The following DLGAP2 variants were observed in gnomAD, a reference collection of about 807,000 sequenced individuals.
DLGAP2 encodes disks large-associated protein 2.
In DLGAP2, 26 loss-of-function variants were observed where a neutral mutation model predicts 100.3. The observed-to-expected ratio is 0.26, with a 90% confidence interval of 0.19 to 0.36. The LOEUF (loss-of-function observed/expected upper bound fraction) is 0.36. DLGAP2 is among the 10% of genes least tolerant of loss of function. The pLI is 1.00. For missense variants in DLGAP2, 1,858 were observed against 1,453.2 expected (o/e 1.28, Z -4.53); for synonymous variants, 886 against 630.1 (o/e 1.41, Z -6.08).
At chr8:1,354,360 C>G (rs1327753967) in intron 3 of DLGAP2, among the ~76,000 whole-genome samples, 1 of 151,958 alleles carries the variant, frequency 6.6e-6, no homozygotes, top group Non-Finnish European at 1.5e-5. Context: ...ACAAAAAATA[C>G]AAAGTATCTG....
At chr8:1,292,513 A>T (rs946939218) in intron 3 of DLGAP2, among the ~76,000 whole-genome samples, 1 of 152,170 alleles carries the variant, frequency 6.6e-6, no homozygotes, top group African/African-American at 2.4e-5. Flanking sequence ...TTCTCTAAAA[A>T]ATTTTGATCT....
chr8:771,157 G>T (rs950237854), intron 1 of DLGAP2, among the ~76,000 whole-genome samples: 1 of 152,128 alleles, frequency 6.6e-6, no homozygotes, highest in Non-Finnish European at 1.5e-5. Flanking sequence ...GTCAGTGATT[G>T]CTAACATTTC....
chr8:1,174,807 C>T (rs934829180), intron 2 of DLGAP2, among the ~76,000 whole-genome samples: 3 of 152,178 alleles, frequency 2.0e-5, no homozygotes, highest in Admixed American at 6.5e-5. Flanking sequence ...CTACCTCCAT[C>T]ATTACCATCA....
chr8:1,271,058 C>T (rs561102015), intron 3 of DLGAP2, among the ~76,000 whole-genome samples: 19 of 152,262 alleles, frequency 1.2e-4, no homozygotes, highest in Admixed American at 3.3e-4. Context: ...TTCTCAAATT[C>T]TTTCCCCACG....
At chr8:1,586,827 T>G (rs1796136044) in intron 6 of DLGAP2, among the ~76,000 whole-genome samples, 1 of 152,222 alleles carries the variant, frequency 6.6e-6, no homozygotes, top group Non-Finnish European at 1.5e-5. Context: ...ACCACCAGTC[T>G]ACTTATTGCC....
intron 6 of DLGAP2, among the ~76,000 whole-genome samples, chr8:1,610,286 C>A (rs1361038814): frequency 6.6e-6 from 1 of 152,178 alleles, no homozygotes; most frequent in Non-Finnish European, 1.5e-5. Flanking sequence ...TCCTGAATGA[C>A]TACTGGGTAC....
intron 1 of DLGAP2, among the ~76,000 whole-genome samples, chr8:845,569 C>A (rs994635260): frequency 6.6e-6 from 1 of 152,206 alleles, no homozygotes; most frequent in African/African-American, 2.4e-5. Context: ...CCTTATCAGA[C>A]GTATGACCTG....
chr8:1,455,322 C>T (rs541628160), intron 3 of DLGAP2, among the ~76,000 whole-genome samples: 42 of 152,364 alleles, frequency 2.8e-4, no homozygotes, highest in African/African-American at 1.0e-3. Flanking sequence ...TGCCTGCCTG[C>T]AGGTGGGGTT....
At chr8:1,327,001 G>C (rs1025919942) in intron 3 of DLGAP2, among the ~76,000 whole-genome samples, 6 of 152,218 alleles carry the variant, frequency 3.9e-5, no homozygotes, top group Non-Finnish European at 8.8e-5. Context: ...CTATGAGGGT[G>C]AACTAAGGCC....
At chr8:1,548,351 C>T (rs1314025280) in intron 4 of DLGAP2, among the ~76,000 whole-genome samples, 6 of 145,470 alleles carry the variant, frequency 4.1e-5, no homozygotes, top group Non-Finnish European at 6.0e-5. Context: ...CCCAGCTACT[C>T]GGGAGGCTGA....
chr8:837,664 ATGTGTGTG>A (rs34602128), intron 1 of DLGAP2, among the ~76,000 whole-genome samples: 10 of 146,016 alleles, frequency 6.8e-5, no homozygotes, highest in Admixed American at 6.2e-4. Context: ...GTTTGTGTGT[ATGTGTGTG>A]TGTGTGTGTG....
chr8:951,667 C>T (rs1035849872), intron 2 of DLGAP2, among the ~76,000 whole-genome samples: 3 of 152,168 alleles, frequency 2.0e-5, no homozygotes, highest in African/African-American at 7.2e-5. Flanking sequence ...ATGTGTACTG[C>T]GTGGCATGCT....
intron 3 of DLGAP2, among the ~76,000 whole-genome samples, chr8:1,485,273 C>T (rs542288236): frequency 2.1e-4 from 32 of 152,332 alleles, no homozygotes; most frequent in Middle Eastern, 3.4e-3. Context: ...ACCCACTCTA[C>T]GCTGTAAAAT....
intron 1 of DLGAP2, among the ~76,000 whole-genome samples, chr8:834,707 C>G (rs573141804): frequency 4.5e-4 from 68 of 152,194 alleles, no homozygotes; most frequent in Admixed American, 5.9e-4. Flanking sequence ...GTGCTATGCC[C>G]TATTGGGTAC....
intron 6 of DLGAP2, among the ~76,000 whole-genome samples, chr8:1,593,947 T>A (rs569467241): frequency 6.6e-6 from 1 of 152,194 alleles, no homozygotes; most frequent in African/African-American, 2.4e-5. Context: ...TTCCAAGCCT[T>A]CCAGTCTTGG....
At chr8:1,363,977 C>T (rs893589082) in intron 3 of DLGAP2, among the ~76,000 whole-genome samples, 4 of 152,182 alleles carry the variant, frequency 2.6e-5, no homozygotes, top group African/African-American at 9.6e-5. Context: ...CAGGATGCCT[C>T]CCCAGCCCCT....
At chr8:1,037,555 C>T (rs1470880401) in intron 2 of DLGAP2, among the ~76,000 whole-genome samples, 4 of 152,218 alleles carry the variant, frequency 2.6e-5, no homozygotes, top group African/African-American at 4.8e-5. Flanking sequence ...GCTGTCCCTC[C>T]CGGCATCACC....
intron 2 of DLGAP2, among the ~76,000 whole-genome samples, chr8:1,044,414 A>G (rs1196428781): frequency 1.3e-5 from 2 of 152,150 alleles, no homozygotes; most frequent in Non-Finnish European, 2.9e-5. Flanking sequence ...GTGGCTGCAC[A>G]GGCTGGAGGG....
intron 3 of DLGAP2, among the ~76,000 whole-genome samples, chr8:1,421,809 C>T (rs574813383): frequency 6.6e-6 from 1 of 151,808 alleles, no homozygotes; most frequent in Admixed American, 6.6e-5. Context: ...ACTATAAATA[C>T]AAAAATTAGC....
Sources: gnomAD v4.1 joint callset for allele counts (sites outside exome capture counted in the v4.1 genomes callset) on GRCh38, gnomAD v4.1.1 for gene constraint, MANE v1.5 for transcripts, NCBI Gene and HGNC (gene_info 2026-07-23, HGNC 2026-07-21) for gene names.